KRIT1: variants seen among roughly 807,000 people sequenced by gnomAD.
The protein encoded by KRIT1 is KRIT1 ankyrin repeat containing, also known as krev interaction trapped protein 1.
KRIT1 carries 45 observed loss-of-function variants against 95.8 expected under a neutral mutation model. That is an observed-to-expected ratio of 0.47 (90% confidence interval 0.37 to 0.60). KRIT1 has a LOEUF of 0.60. Among genes scored for constraint, KRIT1 ranks in the 20% least tolerant of loss-of-function variants. The pLI is 0.00. For synonymous variants in KRIT1, 282 were observed against 278.8 expected (o/e 1.01, Z -0.11); for missense variants, 788 against 877.5 (o/e 0.90, Z 1.29).
intron 3 of KRIT1, among the ~76,000 whole-genome samples, chr7:92,242,384 T>G (rs1218142019): frequency 6.6e-6 from 1 of 152,240 alleles, no homozygotes; most frequent in African/African-American, 2.4e-5. Context: ...TAAGATTTCC[T>G]TTGTATTTCT....
chr7:92,217,533 CTTTT>C (rs1388599702), intron 14 of KRIT1, among the ~76,000 whole-genome samples: 1 of 151,836 alleles, frequency 6.6e-6, no homozygotes. Context: ...AATATTTGTT[CTTTT>C]GTGTCTGGTT....
At chr7:92,228,428 A>ACAGCCCATTTT (rs1796638823) in intron 10 of KRIT1, among the ~76,000 whole-genome samples, 2 of 152,060 alleles carry the variant, frequency 1.3e-5, no homozygotes, top group African/African-American at 4.8e-5. Context: ...TGAGGGGAAA[A>ACAGCCCATTTT]CAGCCCATTT....
chr7:92,239,087 A>T (rs1432267238), intron 5 of KRIT1, among the ~76,000 whole-genome samples: 1 of 152,240 alleles, frequency 6.6e-6, no homozygotes, highest in African/African-American at 2.4e-5. Flanking sequence ...ATGGCTCATT[A>T]ATACATTAAA....
At chr7:92,232,120 CAG>C (rs1797428324) in intron 10 of KRIT1, among the ~76,000 whole-genome samples, 1 of 151,976 alleles carries the variant, frequency 6.6e-6, no homozygotes, top group African/African-American at 2.4e-5. Context: ...TCAGTAGAGA[CAG>C]AGTTTCACCA....
chr7:92,229,580 A>C (rs1796873000), intron 10 of KRIT1, among the ~76,000 whole-genome samples: 1 of 152,246 alleles, frequency 6.6e-6, no homozygotes, highest in Admixed American at 6.5e-5. Context: ...TGCAAATCAA[A>C]GCCACAATAT....
chr7:92,217,282 T>G (rs1002537619), intron 14 of KRIT1, among the ~76,000 whole-genome samples: 4 of 152,180 alleles, frequency 2.6e-5, no homozygotes, highest in African/African-American at 9.7e-5. Context: ...AAAACAGATA[T>G]AATATTTGTC....
At chr7:92,232,574 TG>T (rs1165813018) in intron 10 of KRIT1, among the ~76,000 whole-genome samples, 10 of 151,968 alleles carry the variant, frequency 6.6e-5, no homozygotes, top group Admixed American at 5.2e-4. Context: ...AATATAAACT[TG>T]GGATTCCTCA....
rs977965497 is a variant in KRIT1 at position 92,226,822 on chromosome 7, AT to A, written c.990-141del. 10 of 715,214 alleles carry A rather than the reference AT, an allele frequency of 1.4e-5. No homozygotes were observed. The African/African-American group carries it at 1.8e-4, about 13-fold the overall frequency. 44.3% of individuals were successfully genotyped at this position (715,214 alleles called of 1,614,324 possible). A position where few individuals can be genotyped will look rare whatever the true frequency, so the allele number is the denominator to read the frequency against. On this transcript the variant is annotated intron_variant, in intron 10 of 18. Transcript: ENST00000394505. ...AATTTTCTAGGACAGAGAGCAAAGG[AT>A]TATTAAGATACTGACATAATGTTTT...
chr7:92,219,040 A>G (rs1335767093), intron 14 of KRIT1, among the ~76,000 whole-genome samples: 1 of 152,132 alleles, frequency 6.6e-6, no homozygotes, highest in Non-Finnish European at 1.5e-5. Context: ...TCACTTTGTC[A>G]CCCAGGCTGG....
At chr7:92,219,094 G>A (rs1017864690) in intron 14 of KRIT1, among the ~76,000 whole-genome samples, 9 of 152,082 alleles carry the variant, frequency 5.9e-5, no homozygotes, top group African/African-American at 1.4e-4. Flanking sequence ...TCCACCTCCC[G>A]GGTTCATGCA....
chr7:92,245,445 G>C (rs1800731881), intron 1 of KRIT1: 2 of 151,540 alleles, frequency 1.3e-5, no homozygotes, highest in South Asian at 4.2e-4. Flanking sequence ...ACTAGATGTG[G>C]AGATGGTTCA....
chr7:92,242,257 A>C, intron 3 of KRIT1, 120 bp from the exon 4 acceptor site: 1 of 688,220 alleles, frequency 1.5e-6, no homozygotes, highest in Non-Finnish European at 2.6e-6. Flanking sequence ...ATGTCGAAAA[A>C]ATTAAAAAAA....
At chr7:92,239,517 C>T (rs918004856) in intron 5 of KRIT1, among the ~76,000 whole-genome samples, 4 of 152,124 alleles carry the variant, frequency 2.6e-5, no homozygotes, top group African/African-American at 9.7e-5. Flanking sequence ...GTAGATAAGA[C>T]TGACCAATCT....
At chr7:92,210,952 G>GTT (rs1342674968) in intron 17 of KRIT1, among the ~76,000 whole-genome samples, 1 of 152,076 alleles carries the variant, frequency 6.6e-6, no homozygotes, top group Non-Finnish European at 1.5e-5. Context: ...TAATCATCAG[G>GTT]GAAGTTCAAG....
rs1412812439 is a variant in KRIT1 at position 92,200,629 on chromosome 7, G to A, written c.*107C>T. The A allele has an allele frequency of 5.2e-6, 4 of 769,620 alleles. No homozygotes were observed. The highest frequency in any genetic ancestry group is 1.7e-5 in the African/African-American group (1 of 58,142). 47.7% of individuals were successfully genotyped at this position (769,620 alleles called of 1,614,324 possible). On this transcript the variant is annotated 3_prime_UTR_variant, in exon 19 of 19. Transcript: ENST00000394505. ...AGCCTCCCAAAGTGCTGGAATTACA[G>A]GGGTGAGCCACCATGCTCGGCCAAA...
intron 8 of KRIT1, 135 bp from the exon 9 acceptor site, chr7:92,235,058 G>GC: frequency 1.5e-6 from 1 of 663,384 alleles, no homozygotes; most frequent in Non-Finnish European, 2.7e-6. Flanking sequence ...GGAGTTCAGT[G>GC]CTGCGATCTC....
intron 17 of KRIT1, among the ~76,000 whole-genome samples, chr7:92,209,391 T>C (rs1584765648): frequency 1.3e-5 from 2 of 152,184 alleles, no homozygotes; most frequent in East Asian, 3.9e-4. Context: ...ATAAAAGCCA[T>C]ACAAATTGGT....
At chr7:92,207,786 G>C (rs559076787) in intron 17 of KRIT1, among the ~76,000 whole-genome samples, 1 of 152,246 alleles carries the variant, frequency 6.6e-6, no homozygotes, top group African/African-American at 2.4e-5. Flanking sequence ...GAACCCAGGA[G>C]GCAGAGGTTT....
In KRIT1 at chr7:92,213,387, A is replaced by C. The variant is rs1192394420; in HGVS notation, c.1833T>G (p.Ser611Arg). The stretch of plus-strand genomic sequence containing the variant: ...GATGCATTTCTTTACTGACACCTTC[A>C]CTTGTACTGAGATTCTAAAAACAAA... ...ILHEYKNLST[S>R]EGVSKEMHHL... Residue 611 changes from serine to arginine, a missense_variant, in exon 17 of 19, where the codon AGT (serine) becomes AGG (arginine). Ser to Arg is a moderately radical substitution (Grantham distance 110). Coordinates refer to ENST00000394505, the MANE Select transcript of KRIT1 (RefSeq NM_194454.3). 5 of 1,607,856 alleles carry C rather than the reference A, an allele frequency of 3.1e-6. No individual in the cohort carries two copies. In the African/African-American group the frequency reaches 4.0e-5, roughly 13 times the overall value.
Sources: allele counts gnomAD v4.1 joint callset (sites outside exome capture counted in the v4.1 genomes callset), GRCh38; gene constraint gnomAD v4.1.1; transcripts MANE v1.5; gene names NCBI Gene and HGNC (gene_info 2026-07-23, HGNC 2026-07-21).